The following MGAT4C variants were observed in gnomAD, a reference collection of about 807,000 sequenced individuals.
MGAT4C encodes the protein alpha-1,3-mannosyl-glycoprotein 4-beta-N-acetylglucosaminyltransferase C.
In MGAT4C, 19 loss-of-function variants were observed where a neutral mutation model predicts 40.1. The ratio of observed to expected loss-of-function variants is 0.47; its 90% CI spans 0.33 to 0.70. The LOEUF (loss-of-function observed/expected upper bound fraction) is 0.70. Among genes scored for constraint, MGAT4C ranks in the 30% least tolerant of loss-of-function variants. The pLI, the probability that MGAT4C is intolerant of heterozygous loss-of-function variation, is 0.02. For synonymous variants in MGAT4C, 181 were observed against 187.1 expected (o/e 0.97, Z 0.27); for missense variants, 491 against 563.2 (o/e 0.87, Z 1.30).
chr12:86,478,486 T>C (rs931588098), intron 2 of MGAT4C, among the ~76,000 whole-genome samples: 3 of 152,100 alleles, frequency 2.0e-5, no homozygotes, highest in African/African-American at 7.2e-5. Context: ...AATCCTTAGA[T>C]CTATGTCATC....
intron 3 of MGAT4C, among the ~76,000 whole-genome samples, chr12:86,390,112 GC>G (rs920249558): frequency 6.7e-4 from 102 of 152,254 alleles, no homozygotes; most frequent in African/African-American, 2.4e-3. Flanking sequence ...CCAGAAACAA[GC>G]CCGGTTGACC....
At chr12:86,689,359 A>C (rs1950133044) in intron 2 of MGAT4C, among the ~76,000 whole-genome samples, 1 of 152,126 alleles carries the variant, frequency 6.6e-6, no homozygotes. Flanking sequence ...TATCAAATTC[A>C]TTCTCCATCC....
intron 2 of MGAT4C, among the ~76,000 whole-genome samples, chr12:86,014,387 G>A (rs1454490467): frequency 6.6e-6 from 1 of 152,118 alleles, no homozygotes; most frequent in African/African-American, 2.4e-5. Flanking sequence ...TCCATTTCCA[G>A]CCTAGGAGCT....
intron 1 of MGAT4C, among the ~76,000 whole-genome samples, chr12:86,779,284 A>C (rs1951794122): frequency 6.6e-6 from 1 of 152,110 alleles, no homozygotes; most frequent in African/African-American, 2.4e-5. Context: ...TGTGAAAACT[A>C]TTTATTATCT....
chr12:86,561,964 T>C (rs574933957), intron 2 of MGAT4C, among the ~76,000 whole-genome samples: 2 of 152,166 alleles, frequency 1.3e-5, no homozygotes, highest in South Asian at 2.1e-4. Context: ...ATGAACTGTT[T>C]AGAGAGTTGT....
At chr12:86,588,811 A>G (rs1164720678) in intron 2 of MGAT4C, among the ~76,000 whole-genome samples, 2 of 152,070 alleles carry the variant, frequency 1.3e-5, no homozygotes, top group Non-Finnish European at 2.9e-5. Context: ...TACTGGGTAC[A>G]TAACGAAATG....
chr12:86,737,184 T>C (rs1262814603), intron 1 of MGAT4C, among the ~76,000 whole-genome samples: 1 of 151,448 alleles, frequency 6.6e-6, no homozygotes, highest in African/African-American at 2.4e-5. Context: ...GGGTCAACTA[T>C]CATCAAATTT....
chr12:86,802,405 T>G (rs1472976339), intron 1 of MGAT4C, among the ~76,000 whole-genome samples: 1 of 152,056 alleles, frequency 6.6e-6, no homozygotes, highest in Non-Finnish European at 1.5e-5. Flanking sequence ...TTTAAAATTC[T>G]GTACATAGTA....
At chr12:85,984,765 T>C (rs1283440138) in intron 3 of MGAT4C, among the ~76,000 whole-genome samples, 2 of 151,816 alleles carry the variant, frequency 1.3e-5, no homozygotes, top group East Asian at 1.9e-4. Context: ...CTCTACTATG[T>C]GGTTTTATTT....
chr12:86,272,288 C>T (rs371035964), intron 4 of MGAT4C, among the ~76,000 whole-genome samples: 3 of 152,046 alleles, frequency 2.0e-5, no homozygotes, highest in South Asian at 4.2e-4. Flanking sequence ...GTCTATTTAT[C>T]CTTAGATGGA....
chr12:86,659,364 C>G (rs552636892), intron 2 of MGAT4C, among the ~76,000 whole-genome samples: 1 of 151,956 alleles, frequency 6.6e-6, no homozygotes, highest in African/African-American at 2.4e-5. Flanking sequence ...AGAAGAGATA[C>G]AAGCTGCTGA....
chr12:86,529,097 T>C (rs987387935), intron 2 of MGAT4C, among the ~76,000 whole-genome samples: 1 of 152,068 alleles, frequency 6.6e-6, no homozygotes, highest in African/African-American at 2.4e-5. Flanking sequence ...GGAATGGTTT[T>C]CCTTTTCCTT....
chr12:86,333,024 C>A (rs1954707081), intron 4 of MGAT4C, among the ~76,000 whole-genome samples: 1 of 152,096 alleles, frequency 6.6e-6, no homozygotes, highest in African/African-American at 2.4e-5. Context: ...AGTCTGACGA[C>A]CCCTGAATAT....
chr12:86,549,858 T>C (rs1959259820), intron 2 of MGAT4C, among the ~76,000 whole-genome samples: 1 of 152,128 alleles, frequency 6.6e-6, no homozygotes, highest in Non-Finnish European at 1.5e-5. Context: ...CTCCCCCACT[T>C]AGATTGACCC....
At chr12:86,405,569 A>AT in intron 3 of MGAT4C, among the ~76,000 whole-genome samples, 1 of 152,036 alleles carries the variant, frequency 6.6e-6, no homozygotes, top group Admixed American at 6.6e-5. Context: ...CTTGAAATAC[A>AT]GTTGTAAAGC....
At chr12:86,395,404 A>G (rs561088334) in intron 3 of MGAT4C, among the ~76,000 whole-genome samples, 23 of 152,316 alleles carry the variant, frequency 1.5e-4, no homozygotes, top group Admixed American at 1.3e-3. Context: ...CTAAACCAAT[A>G]TACATTCAGG....
chr12:86,737,405 C>T (rs1034610993), intron 1 of MGAT4C, among the ~76,000 whole-genome samples: 3 of 132,712 alleles, frequency 2.3e-5, no homozygotes, highest in Non-Finnish European at 3.2e-5. Context: ...GGTTTTCCTT[C>T]TATTTTGCTG....
chr12:86,502,573 G>T (rs891248312), intron 2 of MGAT4C, among the ~76,000 whole-genome samples: 2 of 150,296 alleles, frequency 1.3e-5, no homozygotes, highest in African/African-American at 4.9e-5. Flanking sequence ...ACTAGTTGTT[G>T]GCACGGGGAA....
intron 1 of MGAT4C, among the ~76,000 whole-genome samples, chr12:86,786,953 TG>T (rs1474207998): frequency 6.6e-6 from 1 of 152,162 alleles, no homozygotes; most frequent in Non-Finnish European, 1.5e-5. Context: ...GTTCACCCTT[TG>T]ATTATGCCCC....
Sources: gnomAD v4.1 joint callset for allele counts (sites outside exome capture counted in the v4.1 genomes callset) on GRCh38, gnomAD v4.1.1 for gene constraint, MANE v1.5 for transcripts, NCBI Gene and HGNC (gene_info 2026-07-23, HGNC 2026-07-21) for gene names.